VPS50: variants seen among roughly 807,000 people sequenced by gnomAD.
The protein encoded by VPS50 is syndetin.
In VPS50, 70 loss-of-function variants were observed where a neutral mutation model predicts 139.7. That is an observed-to-expected ratio of 0.50 (90% CI 0.41 to 0.61). The LOEUF is 0.61. Among genes scored for constraint, VPS50 ranks in the 20% least tolerant of loss-of-function variants. The pLI is 0.00. For missense variants in VPS50, 921 were observed against 1,133.7 expected, an observed-to-expected ratio of 0.81 and a Z score of 2.69; for synonymous variants, 365 against 376.7, an observed-to-expected ratio of 0.97 and a Z score of 0.36.
At chr7:93,257,302 G>A in intron 5 of VPS50, 92 bp from the exon 6 acceptor site, 1 of 683,758 alleles carries the variant, frequency 1.5e-6, no homozygotes, top group Non-Finnish European at 2.5e-6. Context: ...GGTTTTCTTT[G>A]CATCTGACTA....
intron 12 of VPS50, among the ~76,000 whole-genome samples, chr7:93,283,236 T>C (rs1280813240): frequency 6.6e-6 from 1 of 151,398 alleles, no homozygotes; most frequent in Non-Finnish European, 1.5e-5. Context: ...CTTTTCTTTT[T>C]TTTTTTTTTG....
chr7:93,328,845 C>T (rs1797857092), intron 21 of VPS50, among the ~76,000 whole-genome samples: 3 of 152,094 alleles, frequency 2.0e-5, no homozygotes, highest in Admixed American at 6.5e-5. Flanking sequence ...CAAATTCAGT[C>T]CACCTATATC....
intron 8 of VPS50, chr7:93,259,297 A>T (rs1367062066): frequency 6.5e-6 from 2 of 307,072 alleles, no homozygotes; most frequent in East Asian, 1.1e-4. Flanking sequence ...TCCATAAGTC[A>T]TGGAAATGGT....
In VPS50 at chr7:93,334,200, A is replaced by G. The variant is rs1317794257; in HGVS notation, c.2058+3A>G. ...TACAAGAAAGCCTTATTGATCTAGT[A>G]AGTAACGAATTGGAATAAATTCTTT... is the stretch of plus-strand genomic sequence containing the variant. On this transcript the variant is annotated splice_donor_region_variant and intron_variant, in intron 22 of 27. Coordinates refer to ENST00000305866, the MANE Select transcript of VPS50 (RefSeq NM_017667.4). The G allele has an allele frequency of 1.4e-6, 2 of 1,453,790 alleles. No individual in the cohort carries two copies. Among genetic ancestry groups the G allele is most frequent in the Non-Finnish European group, 1.9e-6 (2 of 1,047,222 alleles). The allele number at this position is 1,453,790 out of a possible 1,614,324, so 90.1% of individuals were successfully genotyped here.
intron 3 of VPS50, 82 bp from the exon 4 acceptor site, chr7:93,253,778 C>T: frequency 1.4e-6 from 1 of 736,400 alleles, no homozygotes; most frequent in Admixed American, 2.3e-5. Flanking sequence ...GTTTGTAGTT[C>T]ACTAGTCAGA....
intron 2 of VPS50, among the ~76,000 whole-genome samples, chr7:93,249,085 G>A (rs1480533738): frequency 6.6e-6 from 1 of 151,962 alleles, no homozygotes; most frequent in Non-Finnish European, 1.5e-5. Flanking sequence ...TTCCATGTCA[G>A]TTCTTTGAAA....
intron 20 of VPS50, among the ~76,000 whole-genome samples, chr7:93,315,156 GTTTTTTATCT>G (rs1797388884): frequency 6.6e-6 from 1 of 151,734 alleles, no homozygotes; most frequent in Non-Finnish European, 1.5e-5. Context: ...TATTTATACT[GTTTTTTATCT>G]GGATTTTTTA....
intron 9 of VPS50, among the ~76,000 whole-genome samples, chr7:93,260,270 G>A (rs959776671): frequency 3.9e-5 from 6 of 152,044 alleles, no homozygotes; most frequent in African/African-American, 1.4e-4. Context: ...ACAGTCTTGG[G>A]GAAGCTCTAA....
rs768221595 is a variant in VPS50, at chr7:93,350,043, C to T, written c.2463+10C>T. 1.8e-5 allele frequency: 29 copies of T among 1,602,950 alleles called. No individual in the cohort carries two copies. The Middle Eastern group carries it at 1.2e-3, about 64-fold the overall frequency. On this transcript the variant is annotated intron_variant, in intron 25 of 27. Coordinates refer to ENST00000305866, the MANE Select transcript of VPS50 (RefSeq NM_017667.4). ...AGATGCACTATTAAAGGCAAGTGTT[C>T]TGGGAAGCACCTGTGCTAAAGATCA...
At chr7:93,291,882 C>T (rs1796658338) in intron 13 of VPS50, 47 bp downstream of exon 13, 1 of 1,302,728 alleles carries the variant, frequency 7.7e-7, no homozygotes, top group South Asian at 1.5e-5. Context: ...CTATAAATAT[C>T]CCACATTACT....
intron 9 of VPS50, among the ~76,000 whole-genome samples, chr7:93,269,725 G>A (rs762490335): frequency 6.6e-6 from 1 of 152,010 alleles, no homozygotes; most frequent in Non-Finnish European, 1.5e-5. Context: ...ATATTGTCAG[G>A]GGGTTGTGCC....
intron 1 of VPS50, among the ~76,000 whole-genome samples, chr7:93,232,953 C>T (rs1164172888): frequency 2.0e-5 from 3 of 152,052 alleles, no homozygotes; most frequent in African/African-American, 2.4e-5. Flanking sequence ...TGGGCAAGTC[C>T]CCAAACTTTG....
At position 93,232,631 on chromosome 7, in the gene VPS50, A is replaced by G; in HGVS notation, c.33+131A>G. 6.1e-6 allele frequency: 5 copies of G among 815,196 alleles called. No individual in the cohort carries two copies. The South Asian group carries it at 7.3e-5, about 12-fold the overall frequency. 50.5% of individuals were successfully genotyped at this position (815,196 alleles called of 1,614,324 possible). A position where few individuals can be genotyped will look rare whatever the true frequency, so the allele number is the denominator to read the frequency against. On this transcript the variant is annotated intron_variant, in intron 1 of 27. Transcript: ENST00000305866. ...GTGGCAGGTGTCAGGGGGACTGGGA[A>G]GCCGGGGCATACCCTAGAAAACTCA...
intron 21 of VPS50, among the ~76,000 whole-genome samples, chr7:93,331,681 A>G (rs1377106902): frequency 2.0e-5 from 3 of 152,228 alleles, no homozygotes; most frequent in Non-Finnish European, 4.4e-5. Flanking sequence ...GGTTAGGCAT[A>G]TGCTTCTTTG....
intron 24 of VPS50, 109 bp downstream of exon 24, chr7:93,348,916 A>G: frequency 1.5e-6 from 1 of 676,252 alleles, no homozygotes; most frequent in South Asian, 1.8e-5. Context: ...TTGAAACCCC[A>G]GGAGAGCCAG....
chr7:93,245,466 A>C (rs1193977944), intron 2 of VPS50, among the ~76,000 whole-genome samples: 1 of 151,578 alleles, frequency 6.6e-6, no homozygotes, highest in Non-Finnish European at 1.5e-5. Flanking sequence ...TCGAAAACAA[A>C]AGAAAAACAA....
At chr7:93,239,739 C>T in intron 1 of VPS50, 127 bp from the exon 2 acceptor site, 1 of 551,422 alleles carries the variant, frequency 1.8e-6, no homozygotes, top group Non-Finnish European at 3.3e-6. Flanking sequence ...TAGAATATAT[C>T]TTCCATATTT....
intron 23 of VPS50, 51 bp from the exon 24 acceptor site, chr7:93,348,660 C>T: frequency 8.8e-7 from 1 of 1,140,648 alleles, no homozygotes; most frequent in South Asian, 1.3e-5. Flanking sequence ...GCATGACAGG[C>T]TCTAAATCCT....
chr7:93,358,549 G>C lies in VPS50; in HGVS notation c.*113G>C. On this transcript the variant is annotated 3_prime_UTR_variant, in exon 28 of 28. Transcript: ENST00000305866. The stretch of plus-strand genomic sequence containing the variant: ...TATCTGCTAAGAAAACTTTGTGCAT[G>C]TTTTTTTGACTGGAAAGTGGAAAAT... The C allele has an allele frequency of 1.2e-6, 1 of 866,548 alleles. No homozygotes were observed. The highest frequency in any genetic ancestry group is 1.8e-6 in the Non-Finnish European group (1 of 550,232). The allele number at this position is 866,548 out of a possible 1,614,324, so 53.7% of individuals were successfully genotyped here.
Sources: gnomAD v4.1 joint callset for allele counts (sites outside exome capture counted in the v4.1 genomes callset) on GRCh38, gnomAD v4.1.1 for gene constraint, MANE v1.5 for transcripts, NCBI Gene and HGNC (gene_info 2026-07-23, HGNC 2026-07-21) for gene names.